The following SEMA4A variants were observed in gnomAD, a reference collection of about 807,000 sequenced individuals.
SEMA4A encodes semaphorin 4A.
Under a neutral mutation model 72.5 loss-of-function variants are expected in SEMA4A, and 52 were observed. The ratio of observed to expected loss-of-function variants is 0.72; its 90% CI spans 0.57 to 0.90. The LOEUF is 0.90. SEMA4A is among the 40% of genes least tolerant of loss of function. SEMA4A has a pLI of 0.00. For missense variants in SEMA4A, 926 were observed against 959.7 expected, an observed-to-expected ratio of 0.96 and a Z score of 0.46; for synonymous variants, 369 against 393.1, an observed-to-expected ratio of 0.94 and a Z score of 0.73.
At chr1:156,148,888 C>T (rs532257942), upstream of SEMA4A, among the ~76,000 whole-genome samples, 1 of 151,394 alleles carries the variant, frequency 6.6e-6, no homozygotes, top group Non-Finnish European at 1.5e-5. Context: ...CTACAACCTC[C>T]GCCTCCTGGG....
At position 156,172,859 on chromosome 1, in the gene SEMA4A, A is replaced by G. The variant is rs1002202960; in HGVS notation, c.1168A>G (p.Thr390Ala). ...SVGPSSDKAL[T>A]FMKDHFLMDE... ...GGGCCCCTCCTCTGATAAGGCCCTG[A>G]CCTTCATGAAGGACCATTTCCTGAT... The change falls in exon 11 of 15, where the codon ACC (threonine) becomes GCC (alanine). Residue 390 changes from threonine (T) to alanine (A), a missense_variant. Thr to Ala is a moderately conservative substitution (Grantham distance 58). Coordinates refer to ENST00000368285, the MANE Select transcript of SEMA4A (RefSeq NM_022367.4). 19 of 1,613,972 alleles carry G rather than the reference A, an allele frequency of 1.2e-5. No individual in the cohort carries two copies. Among genetic ancestry groups the G allele is most frequent in the Middle Eastern group, 1.6e-4 (1 of 6,084 alleles).
intron 10 of SEMA4A, among the ~76,000 whole-genome samples, chr1:156,164,672 T>C (rs1653997136): frequency 6.6e-6 from 1 of 152,204 alleles, no homozygotes; most frequent in African/African-American, 2.4e-5. Context: ...ATTATGACTC[T>C]TCTTATTCAC....
At chr1:156,163,380 G>A in intron 10 of SEMA4A, 1 of 444,092 alleles carries the variant, frequency 2.3e-6, no homozygotes, top group Non-Finnish European at 4.2e-6. Context: ...TGTGTGCCAA[G>A]GACTGTCTTG....
At chr1:156,160,635 G>C (rs908459819) in intron 7 of SEMA4A, 76 bp downstream of exon 7, 4 of 1,335,894 alleles carry the variant, frequency 3.0e-6, no homozygotes, top group Non-Finnish European at 4.3e-6. Flanking sequence ...TTCATTTGCG[G>C]AAGGTACAAT....
intron 8 of SEMA4A, 69 bp from the exon 9 acceptor site, chr1:156,161,277 C>T: frequency 1.1e-6 from 1 of 927,232 alleles, no homozygotes; most frequent in Non-Finnish European, 1.5e-6. Context: ...CTGCGGGGGG[C>T]GGGGAGGACA....
rs776231562 is a variant in SEMA4A at position 156,172,905 on chromosome 1, C to T, written c.1214C>T (p.Thr405Met). The T allele has an allele frequency of 5.5e-5, 89 of 1,614,024 alleles. No homozygotes were observed. The highest frequency in any genetic ancestry group is 2.9e-4 in the East Asian group (13 of 44,896). Residue 405 changes from threonine to methionine, a missense_variant, in exon 11 of 15, where the codon ACG becomes ATG. By Grantham distance (81) the Thr-to-Met change is moderately conservative. Transcript: ENST00000368285. ...HFLMDEQVVG[T>M]PLLVKSGVEY... ...CTGATGGATGAGCAAGTGGTGGGGA[C>T]GCCCCTGCTGGTGAAATCTGGCGTG... is the stretch of plus-strand genomic sequence containing the variant.
chr1:156,168,559 T>C (rs1654403841), intron 10 of SEMA4A, among the ~76,000 whole-genome samples: 1 of 152,130 alleles, frequency 6.6e-6, no homozygotes. Flanking sequence ...CTTCTTCTTT[T>C]TTTTTTCCCC....
chr1:156,170,173 A>T (rs145842226), intron 10 of SEMA4A, among the ~76,000 whole-genome samples: 66 of 152,080 alleles, frequency 4.3e-4, no homozygotes, highest in East Asian at 1.4e-3. Flanking sequence ...ATAATAAAAA[A>T]TTAGCTGGGT....
intron 4 of SEMA4A, 94 bp from the exon 5 acceptor site, chr1:156,158,294 T>A (rs1250597793): frequency 7.8e-7 from 1 of 1,275,406 alleles, no homozygotes; most frequent in Non-Finnish European, 1.1e-6. Flanking sequence ...GCCCCAGCAT[T>A]ACCTAGCCTT....
chr1:156,153,389 G>A (rs986942055), upstream of SEMA4A: 1 of 152,196 alleles, frequency 6.6e-6, no homozygotes, highest in Non-Finnish European at 1.5e-5. Context: ...GGAGAGGCAG[G>A]GGAATCGCTG....
In SEMA4A at chr1:156,175,544, C is replaced by G; in HGVS notation, c.1593-12C>G. 1.2e-6 allele frequency: 2 copies of G among 1,604,924 alleles called. 1 individual carries two copies. The highest frequency in any genetic ancestry group is 2.2e-5 in the South Asian group (2 of 90,248). On this transcript the variant is annotated splice_polypyrimidine_tract_variant and intron_variant, in intron 13 of 14. Coordinates refer to ENST00000368285, the MANE Select transcript of SEMA4A (RefSeq NM_022367.4). ...TTTTGAAGGATAATTTTTACTTTCT[C>G]TGCTCTCTTAGGAACTCCTGGAAGC...
In SEMA4A at chr1:156,176,491, G is replaced by T. The variant is rs755370815; in HGVS notation, c.1780G>T (p.Gly594Cys). The T allele has an allele frequency of 3.1e-6, 5 of 1,614,126 alleles. No individual in the cohort carries two copies. The Admixed American group carries it at 8.3e-5, about 27-fold the overall frequency. The stretch of plus-strand genomic sequence containing the variant: ...CTTGGCCTCTTATTATTGGAGTCAT[G>T]GCCCAGCAGCAGTCCCAGAAGCCTC... ...SALASYYWSH[G>C]PAAVPEASST... is the part of the protein sequence containing the mutation. Residue 594 changes from glycine (G) to cysteine (C), a missense_variant, in exon 15 of 15, where the codon GGC becomes TGC. Coordinates refer to ENST00000368285, the MANE Select transcript of SEMA4A (RefSeq NM_022367.4).
At chr1:156,160,348 T>C in intron 6 of SEMA4A, 95 bp from the exon 7 acceptor site, 1 of 965,524 alleles carries the variant, frequency 1.0e-6, no homozygotes, top group Admixed American at 1.7e-5. Flanking sequence ...CCCCCGAGAC[T>C]GATATGGATG....
At chr1:156,174,679 G>A (rs1378303238) in intron 11 of SEMA4A, 143 bp from the exon 12 acceptor site, 4 of 886,800 alleles carry the variant, frequency 4.5e-6, no homozygotes, top group African/African-American at 1.6e-5. Context: ...ATGGCACAGA[G>A]GAAGGTGAAT....
chr1:156,151,507 G>C (rs185959776), upstream of SEMA4A, among the ~76,000 whole-genome samples: 39 of 152,260 alleles, frequency 2.6e-4, no homozygotes, highest in African/African-American at 8.2e-4. Flanking sequence ...CCTCTGAAAC[G>C]CTTTATTGAC....
At position 156,176,781 on chromosome 1, in the gene SEMA4A, C is replaced by T. The variant is rs2103015259; in HGVS notation, c.2070C>T (p.Leu690=). 9.3e-6 allele frequency: 15 copies of T among 1,613,310 alleles called. No homozygotes were observed. The highest frequency in any genetic ancestry group is 1.3e-5 in the Non-Finnish European group (15 of 1,179,286). The change falls in exon 15 of 15, where the codon CTC becomes CTT. Residue 690 remains leucine (L), a synonymous_variant. Transcript: ENST00000368285. ...CCCACTTTGTCACTGTCACTGTCCT[C>T]TTTGCCTTAGTGCTTTCAGGAGCCC... ...YWPHFVTVTV[L]FALVLSGALI...
At chr1:156,175,741 T>A in intron 14 of SEMA4A, 85 bp downstream of exon 14, 1 of 961,858 alleles carries the variant, frequency 1.0e-6, no homozygotes, top group Non-Finnish European at 1.6e-6. Flanking sequence ...TCCAATTTCC[T>A]CCCCCAGCAC....
chr1:156,163,042 C>T lies in SEMA4A; in HGVS notation c.1082C>T (p.Thr361Ile). ...KGKYKELNKETSRWTTYRGPE... is the reference protein window; with the variant it reads ...KGKYKELNKEISRWTTYRGPE... ...AAATACAAAGAGTTGAACAAAGAAACTTCACGCTGGACTACTTATAGGGGC... is the reference window on the plus strand; with the variant it reads ...AAATACAAAGAGTTGAACAAAGAAATTTCACGCTGGACTACTTATAGGGGC... The change falls in exon 10 of 15, where the codon ACT (threonine) becomes ATT (isoleucine). Residue 361 changes from threonine (T) to isoleucine (I), a missense_variant. Transcript: ENST00000368285. 6.2e-7 allele frequency: 1 copy of T among 1,614,164 alleles called. No individual in the cohort carries two copies.
chr1:156,175,662 T>G lies in SEMA4A; in HGVS notation c.1693+6T>G. 4 of 1,593,662 alleles carry G rather than the reference T, an allele frequency of 2.5e-6. No individual in the cohort carries two copies. The highest frequency in any genetic ancestry group is 3.4e-6 in the Non-Finnish European group (4 of 1,167,414). On this transcript the variant is annotated splice_donor_region_variant and intron_variant, in intron 14 of 14. Coordinates refer to ENST00000368285, the MANE Select transcript of SEMA4A (RefSeq NM_022367.4). ...TCAGAGCCGCCCGCAAATCAGTGAG[T>G]GTAGGACCACTCACCAGGGGAGGTG...
Sources: gnomAD v4.1 joint callset for allele counts (sites outside exome capture counted in the v4.1 genomes callset) on GRCh38, gnomAD v4.1.1 for gene constraint, MANE v1.5 for transcripts, NCBI Gene and HGNC (gene_info 2026-07-23, HGNC 2026-07-21) for gene names.